Variants in ZNF311 observed in about 807,000 individuals in gnomAD.
ZNF311 encodes zinc finger protein 311.
In ZNF311, 14 loss-of-function variants were observed where a neutral mutation model predicts 22.7. That is an observed-to-expected ratio of 0.62 (90% CI 0.41 to 0.96). ZNF311 has a LOEUF of 0.96. Among genes scored for constraint, ZNF311 ranks in the 40% least tolerant of loss-of-function variants. The probability of loss-of-function intolerance (pLI) is 0.00; values close to 1 mark genes in which losing one functional copy is unlikely to be tolerated. For synonymous variants in ZNF311, 250 were observed against 275.3 expected (o/e 0.91, Z 0.91); for missense variants, 731 against 799.0 (o/e 0.91, Z 1.03).
At chr6:28,997,899 G>GT (rs1779852187) in intron 6 of ZNF311, among the ~76,000 whole-genome samples, 1 of 152,124 alleles carries the variant, frequency 6.6e-6, no homozygotes, top group African/African-American at 2.4e-5. Context: ...AGCTGTTATT[G>GT]TAAGTTCAAG....
chr6:28,995,560 C>A lies in ZNF311; in HGVS notation c.1442G>T (p.Arg481Leu), dbSNP rs200622488. ...ATGAGCCCTGCGCTTACAGTTATGA[C>A]GAAAGGCTTTCCCACACTCCTCACA... ...YRCEECGKAF[R>L]HNCKRRAHER... The change falls in exon 7 of 7, where the codon CGT becomes CTT. Residue 481 changes from arginine to leucine, a missense_variant. Coordinates refer to ENST00000377179, the MANE Select transcript of ZNF311 (RefSeq NM_001382360.1). The surrounding 1 kb of genome is among the most constrained non-coding windows in gnomAD (Gnocchi z 4.7). The A allele has an allele frequency of 4.3e-6, 7 of 1,613,558 alleles. No individual in the cohort carries two copies. The highest frequency in any genetic ancestry group is 5.9e-6 in the Non-Finnish European group (7 of 1,180,016).
chr6:28,996,103 TC>T lies in ZNF311; in HGVS notation c.898del (p.Glu300ArgfsTer107). On this transcript the variant is annotated frameshift_variant, in exon 7 of 7. Coordinates refer to ENST00000377179, the MANE Select transcript of ZNF311 (RefSeq NM_001382360.1). LOFTEE classifies it low-confidence loss of function (END_TRUNC). ...ACACTGGGTGCAATTAAAAGGTTTC[TC>T]CCCTGTGTGGATTATCCGGTGCATA... ...LSMHRIIHTGEKPFNCTQCGK... is the reference protein window; with the variant it reads ...LSMHRIIHTGXKPFNCTQCGK... 1 of 1,613,344 alleles carries T rather than the reference TC, an allele frequency of 6.2e-7. No homozygotes were observed. Among genetic ancestry groups the T allele is most frequent in the Non-Finnish European group, 8.5e-7 (1 of 1,180,006 alleles).
intron 3 of ZNF311, 129 bp downstream of exon 3, chr6:29,003,384 T>A: frequency 1.3e-6 from 1 of 769,944 alleles, no homozygotes; most frequent in Non-Finnish European, 2.2e-6. Context: ...AGAAACAAAA[T>A]AAGACTTTCT....
At chr6:29,000,077 A>G (rs1252675378) in intron 3 of ZNF311, 30 bp from the exon 4 acceptor site, 3 of 1,590,470 alleles carry the variant, frequency 1.9e-6, no homozygotes, top group Non-Finnish European at 2.6e-6. Context: ...CCAAGAGTCA[A>G]TATAGCACAG....
At chr6:29,002,315 C>T (rs1581697334) in intron 3 of ZNF311, among the ~76,000 whole-genome samples, 1 of 152,108 alleles carries the variant, frequency 6.6e-6, no homozygotes, top group Admixed American at 6.6e-5. Context: ...CTGGGAGACT[C>T]GTGCATCCGA....
intron 5 of ZNF311, 52 bp downstream of exon 5, chr6:28,999,435 T>A: frequency 6.7e-7 from 1 of 1,492,552 alleles, no homozygotes; most frequent in Non-Finnish European, 8.9e-7. Context: ...ATAAATCAAT[T>A]AAATAATAAA....
In ZNF311 at chr6:28,996,160, C is replaced by T. The variant is rs1779548151; in HGVS notation, c.842G>A (p.Gly281Glu). 6.2e-7 allele frequency: 1 copy of T among 1,613,382 alleles called. No homozygotes were observed. The highest frequency in any genetic ancestry group is 1.7e-5 in the Admixed American group (1 of 59,996). The change falls in exon 7 of 7, where the codon GGG (glycine) becomes GAG (glutamate). Residue 281 changes from glycine to glutamate, a missense_variant. Transcript: ENST00000377179. ...CTGATTTCTGGTCTTGAATGCTTTC[C>T]CACACTCATTACACACATGGGGTTT... is the stretch of plus-strand genomic sequence containing the variant. Reference protein sequence around the residue: ...GEKPHVCNECGKAFKTRNQLS... With the variant: ...GEKPHVCNECEKAFKTRNQLS...
chr6:28,999,602 T>C lies in ZNF311; in HGVS notation c.195A>G (p.Thr65=), dbSNP rs775040176. Residue 65 remains threonine (T), a synonymous_variant, in exon 5 of 7, where the codon ACA becomes ACG. Coordinates refer to ENST00000377179, the MANE Select transcript of ZNF311 (RefSeq NM_001382360.1). The part of the protein sequence containing the change: ...TLMSQAQESV[T]FEDVAVNFTN... ...TGAAGTTCACAGCTACATCCTCAAA[T>C]GTCACTGACTCCTGAAATAATATGC... The C allele has an allele frequency of 6.2e-7, 1 of 1,612,388 alleles. No individual in the cohort carries two copies. Among genetic ancestry groups the C allele is most frequent in the South Asian group, 1.1e-5 (1 of 90,608 alleles).
At chr6:28,998,586 G>T (rs1034474969) in intron 6 of ZNF311, 148 bp downstream of exon 6, 6 of 577,284 alleles carry the variant, frequency 1.0e-5, no homozygotes, top group Non-Finnish European at 1.8e-5. Flanking sequence ...CAAATAGTTT[G>T]TCACTGTTTC....
chr6:29,003,411 G>T, intron 3 of ZNF311, 102 bp downstream of exon 3: 2 of 997,036 alleles, frequency 2.0e-6, no homozygotes, highest in Non-Finnish European at 3.2e-6. Context: ...GCTCATTAAT[G>T]AACAGATTTT....
Position 28,996,477 on chromosome 6 carries a change from A to G in ZNF311, c.525T>C (p.Asp175=). ...CTTCTCTAACCTTAGGATCCCGGGA[A>G]TCAACTTTTAGGAGACTGTTAAATT... is the stretch of plus-strand genomic sequence containing the variant. ...WMKFNSLLKV[D]SRDPKVREVC... is the part of the protein sequence containing the mutation. Residue 175 remains aspartate, a synonymous_variant, in exon 7 of 7, where the codon GAT becomes GAC. Transcript: ENST00000377179. The G allele has an allele frequency of 3.7e-6, 6 of 1,608,456 alleles. No homozygotes were observed. The highest frequency in any genetic ancestry group is 5.1e-6 in the Non-Finnish European group (6 of 1,180,004).
At chr6:28,999,373 G>T in intron 5 of ZNF311, 114 bp downstream of exon 5, 1 of 1,073,854 alleles carries the variant, frequency 9.3e-7, no homozygotes, top group Non-Finnish European at 1.2e-6. Context: ...GCAAGATCCT[G>T]ATGATAAAGA....
chr6:29,004,077 A>G lies in ZNF311; in HGVS notation c.-123T>C, dbSNP rs1780832162. On this transcript the variant is annotated 5_prime_UTR_variant, in exon 2 of 7. Transcript: ENST00000377179. ...TTGATGCCAGCCTCCTTTGGAGAAC[A>G]CATGTTTTGGTGGTGCCAGCCAAAG... 2 of 1,604,888 alleles carry G rather than the reference A, an allele frequency of 1.2e-6. No individual in the cohort carries two copies. Among genetic ancestry groups the G allele is most frequent in the South Asian group, 1.1e-5 (1 of 90,026 alleles).
At chr6:29,001,370 CAAG>C (rs1011799727) in intron 3 of ZNF311, among the ~76,000 whole-genome samples, 1 of 152,100 alleles carries the variant, frequency 6.6e-6, no homozygotes, top group Admixed American at 6.6e-5. Flanking sequence ...TGAAATTGCC[CAAG>C]AAGACTCTTC....
In ZNF311 at chr6:29,003,981, C is replaced by T. The variant is rs777445327; in HGVS notation, c.-27G>A. 13 of 1,612,812 alleles carry T rather than the reference C, an allele frequency of 8.1e-6. No individual in the cohort carries two copies. The highest frequency in any genetic ancestry group is 1.3e-5 in the African/African-American group (1 of 74,918). ...TTTTTACTCAGGTTTCTTTAACAGT[C>T]TTCCACTGCTGTCCTGGTTTCTTCC... On this transcript the variant is annotated 5_prime_UTR_variant, in exon 2 of 7. Coordinates refer to ENST00000377179, the MANE Select transcript of ZNF311 (RefSeq NM_001382360.1).
At chr6:29,003,467 A>C (rs1442423935) in intron 3 of ZNF311, 46 bp downstream of exon 3, 1 of 1,590,284 alleles carries the variant, frequency 6.3e-7, no homozygotes, top group East Asian at 2.2e-5. Context: ...TCCTTACTAC[A>C]TTCTCAGCTG....
In ZNF311 at chr6:28,995,860, T is replaced by C. The variant is rs754917599; in HGVS notation, c.1142A>G (p.His381Arg). Residue 381 changes from histidine to arginine, a missense_variant, in exon 7 of 7, where the codon CAC (histidine) becomes CGC (arginine). By Grantham distance (29) the His-to-Arg change is conservative. Transcript: ENST00000377179. This position sits in a 1 kb window ranked among gnomAD's most constrained non-coding sequence, Gnocchi z 4.7. ...ACATTCATATGGCTTCTCCCCAGTG[T>C]GGATTCTGCCATGGATGGTAAGGGA... ...KHSLTIHGRI[H>R]TGEKPYECEE... 2 of 1,614,116 alleles carry C rather than the reference T, an allele frequency of 1.2e-6. No individual in the cohort carries two copies. The highest frequency in any genetic ancestry group is 1.7e-6 in the Non-Finnish European group (2 of 1,180,038).
At chr6:28,997,785 G>A (rs1779832401) in intron 6 of ZNF311, among the ~76,000 whole-genome samples, 2 of 152,178 alleles carry the variant, frequency 1.3e-5, no homozygotes, top group African/African-American at 4.8e-5. Flanking sequence ...ATACCTGTGT[G>A]AACTTGGGAG....
rs1399955050 is a variant in ZNF311, at chr6:28,996,328, C to G, written c.674G>C (p.Ser225Thr). The G allele has an allele frequency of 6.2e-7, 1 of 1,612,874 alleles. No homozygotes were observed. Among genetic ancestry groups the G allele is most frequent in the South Asian group, 1.1e-5 (1 of 91,084 alleles). ...TTTTGAGTTTGGATTCAAGTTTTTACTAAGCACTTTCTGGTTCTTTCCTTT... is the reference window on the plus strand; with the variant it reads ...TTTTGAGTTTGGATTCAAGTTTTTAGTAAGCACTTTCTGGTTCTTTCCTTT... ...CKKGKNQKVL[S>T]KNLNPNSKHS... The change falls in exon 7 of 7, where the codon AGT (serine) becomes ACT (threonine). Residue 225 changes from serine to threonine, a missense_variant. Coordinates refer to ENST00000377179, the MANE Select transcript of ZNF311 (RefSeq NM_001382360.1).
Sources: allele counts gnomAD v4.1 joint callset (sites outside exome capture counted in the v4.1 genomes callset), GRCh38; gene constraint gnomAD v4.1.1; non-coding constraint Gnocchi (gnomAD v3.1); transcripts MANE v1.5; gene names NCBI Gene and HGNC (gene_info 2026-07-23, HGNC 2026-07-21).